The following FLI1 variants were observed in gnomAD, a reference collection of about 807,000 sequenced individuals.
FLI1 encodes Fli-1 proto-oncogene, ETS transcription factor.
Under a neutral mutation model 53.1 loss-of-function variants are expected in FLI1, and 13 were observed. The ratio of observed to expected loss-of-function variants is 0.24; its 90% CI spans 0.16 to 0.39. The LOEUF is 0.39. Ranked by LOEUF, FLI1 falls within the 10% of genes least tolerant of loss-of-function variation. The pLI, the probability that FLI1 is intolerant of heterozygous loss-of-function variation, is 1.00. For synonymous variants in FLI1, 244 were observed against 236.7 expected (o/e 1.03, Z -0.28); for missense variants, 424 against 600.5 (o/e 0.71, Z 3.07).
intron 1 of FLI1, among the ~76,000 whole-genome samples, chr11:128,737,062 T>C (rs1591766089): frequency 6.6e-6 from 1 of 152,254 alleles, no homozygotes; most frequent in South Asian, 2.1e-4. Flanking sequence ...TATCTTTCAG[T>C]GCTCAAGAGG....
Position 128,810,414 on chromosome 11 carries a change from G to A in FLI1, c.830-45G>A. ...TAGGGAACTGGGTTCTGCCTTCTCT[G>A]GGCTGAGGTGTTCTGTTCTCTCCCG... On this transcript the variant is annotated intron_variant, in intron 8 of 8. Transcript: ENST00000527786. This position sits in a 1 kb window ranked among gnomAD's most constrained non-coding sequence, Gnocchi z 6.6. 6.5e-7 allele frequency: 1 copy of A among 1,541,044 alleles called. No homozygotes were observed.
chr11:128,723,824 G>C (rs1460189283), intron 1 of FLI1, among the ~76,000 whole-genome samples: 1 of 151,942 alleles, frequency 6.6e-6, no homozygotes, highest in East Asian at 1.9e-4. Context: ...CTTTCATGGT[G>C]CTAGGTGCAA....
chr11:128,766,103 C>CA (rs1941329679), intron 2 of FLI1, among the ~76,000 whole-genome samples: 1 of 152,154 alleles, frequency 6.6e-6, no homozygotes, highest in African/African-American at 2.4e-5. Flanking sequence ...CATGTGCATG[C>CA]ATGTGTGTGA....
At chr11:128,791,054 A>G (rs1392434632) in intron 5 of FLI1, among the ~76,000 whole-genome samples, 1 of 151,898 alleles carries the variant, frequency 6.6e-6, no homozygotes, top group Non-Finnish European at 1.5e-5. Context: ...CACCACCATA[A>G]CCTGAGGGAC....
chr11:128,751,618 C>A (rs1027881228), intron 1 of FLI1, among the ~76,000 whole-genome samples: 2 of 151,448 alleles, frequency 1.3e-5, no homozygotes, highest in African/African-American at 4.9e-5. Flanking sequence ...GCTCTGCCTC[C>A]CGGGTTCACG....
At chr11:128,777,132 GAT>G (rs1456989694) in intron 4 of FLI1, among the ~76,000 whole-genome samples, 1 of 152,152 alleles carries the variant, frequency 6.6e-6, no homozygotes, top group Non-Finnish European at 1.5e-5. Context: ...GCGGGAACGA[GAT>G]TTGTCCCTTC....
At chr11:128,764,671 G>A (rs1941260020) in intron 2 of FLI1, 1 of 1,536,166 alleles carries the variant, frequency 6.5e-7, no homozygotes, top group South Asian at 1.2e-5. Flanking sequence ...CCTCATTAAA[G>A]AGCAGCCTTT....
rs181798940 is a variant in FLI1, at chr11:128,797,968, C to T, written c.656-7398C>T. Among the ~76,000 whole-genome samples the T allele has an allele frequency of 9.9e-5, 15 of 152,192 alleles. No homozygotes were observed. The East Asian group carries it at 2.7e-3, about 27-fold the overall frequency. The stretch of plus-strand genomic sequence containing the variant: ...CAAAGGACACAGAAGCTGAATGTTA[C>T]GCAGACCCAAGAGTGTATCCCCTAT... On this transcript the variant is annotated intron_variant, in intron 5 of 8. Coordinates refer to ENST00000527786, the MANE Select transcript of FLI1 (RefSeq NM_002017.5).
At chr11:128,764,191 G>T (rs1941241049) in intron 2 of FLI1, among the ~76,000 whole-genome samples, 1 of 152,182 alleles carries the variant, frequency 6.6e-6, no homozygotes, top group South Asian at 2.1e-4. Flanking sequence ...GTAATCTTCA[G>T]GAGAAGTCTT....
chr11:128,770,671 G>T (rs558328026), intron 3 of FLI1, among the ~76,000 whole-genome samples: 5 of 152,312 alleles, frequency 3.3e-5, no homozygotes, highest in African/African-American at 1.2e-4. Context: ...AAAATATATG[G>T]TGTAAAATTG....
chr11:128,764,651 G>C (rs978682234), intron 2 of FLI1: 13 of 1,532,866 alleles, frequency 8.5e-6, no homozygotes, highest in Non-Finnish European at 1.1e-5. Context: ...TTCTTCACAG[G>C]CGCCAGCTGC....
At chr11:128,726,920 C>T (rs1255041287) in intron 1 of FLI1, among the ~76,000 whole-genome samples, 2 of 151,852 alleles carry the variant, frequency 1.3e-5, no homozygotes, top group African/African-American at 4.8e-5. Flanking sequence ...AGGGGAGGGA[C>T]AACGGCTGGG....
At chr11:128,756,743 C>G (rs1359408833) in intron 1 of FLI1, among the ~76,000 whole-genome samples, 1 of 152,098 alleles carries the variant, frequency 6.6e-6, no homozygotes. Flanking sequence ...TGAAGACTTA[C>G]TTTGGTGTAA....
intron 1 of FLI1, among the ~76,000 whole-genome samples, chr11:128,708,617 CTCT>C: frequency 6.6e-6 from 1 of 152,090 alleles, no homozygotes; most frequent in East Asian, 1.9e-4. Flanking sequence ...CTTGATGATC[CTCT>C]TCTTCCATGG....
chr11:128,687,710 A>G (rs1440115936), intron 1 of FLI1, among the ~76,000 whole-genome samples: 1 of 152,002 alleles, frequency 6.6e-6, no homozygotes, highest in Admixed American at 6.6e-5. Flanking sequence ...CTGTCCAAGG[A>G]TTGCCAATTA....
Position 128,733,873 on chromosome 11 carries a change from C to T in FLI1, c.19-24242C>T, listed in dbSNP as rs535654755. Among the ~76,000 whole-genome samples, 329 of 152,348 alleles carry T rather than the reference C, an allele frequency of 2.2e-3. 1 individual carries two copies. The highest frequency in any genetic ancestry group is 7.3e-3 in the African/African-American group (303 of 41,560). On this transcript the variant is annotated intron_variant, in intron 1 of 8. Coordinates refer to ENST00000527786, the MANE Select transcript of FLI1 (RefSeq NM_002017.5). ...TATGCAAAGAAGTTCTTGTCTTTCT[C>T]TCTCTCAAGTCATTGTTCAGTGAGG...
intron 1 of FLI1, among the ~76,000 whole-genome samples, chr11:128,736,015 T>C (rs1939898183): frequency 1.3e-5 from 2 of 152,174 alleles, no homozygotes; most frequent in African/African-American, 4.8e-5. Flanking sequence ...GAGGCCAAAT[T>C]GATCATCTTT....
chr11:128,713,965 A>C (rs1938898931), intron 1 of FLI1, among the ~76,000 whole-genome samples: 1 of 152,176 alleles, frequency 6.6e-6, no homozygotes, highest in Non-Finnish European at 1.5e-5. Flanking sequence ...TCTCTTCTTC[A>C]GTAAAGGCAA....
intron 1 of FLI1, among the ~76,000 whole-genome samples, chr11:128,748,611 C>T (rs1021895855): frequency 4.6e-5 from 7 of 150,974 alleles, no homozygotes; most frequent in Middle Eastern, 3.5e-3. Context: ...CCAGCCTGGG[C>T]GACAAGAGTG....
Sources: allele counts gnomAD v4.1 joint callset (sites outside exome capture counted in the v4.1 genomes callset), GRCh38; gene constraint gnomAD v4.1.1; non-coding constraint Gnocchi (gnomAD v3.1); transcripts MANE v1.5; gene names NCBI Gene and HGNC (gene_info 2026-07-23, HGNC 2026-07-21).